Variants in ITGA5 observed in about 807,000 individuals in gnomAD.
The protein encoded by ITGA5 is integrin alpha-5.
Under a neutral mutation model 146.3 loss-of-function variants are expected in ITGA5, and 55 were observed. That is an observed-to-expected ratio of 0.38 (90% CI 0.30 to 0.47). ITGA5 has a LOEUF of 0.47. Ranked by LOEUF, ITGA5 falls within the 20% of genes least tolerant of loss-of-function variation. The probability of loss-of-function intolerance (pLI) is 0.99; values close to 1 mark genes in which losing one functional copy is unlikely to be tolerated. For synonymous variants in ITGA5, 500 were observed against 531.8 expected (o/e 0.94, Z 0.82); for missense variants, 1,131 against 1,329.0 (o/e 0.85, Z 2.32).
At chr12:54,408,296 T>TG in intron 6 of ITGA5, 61 bp from the exon 7 acceptor site, 2 of 1,584,066 alleles carry the variant, frequency 1.3e-6, no homozygotes, top group Non-Finnish European at 1.7e-6. Context: ...CTTGGGACTC[T>TG]GGGGGCTGAC....
intron 12 of ITGA5, 69 bp downstream of exon 12, chr12:54,405,097 C>T (rs1364443066): frequency 7.1e-7 from 1 of 1,401,840 alleles, no homozygotes; most frequent in South Asian, 1.4e-5. Flanking sequence ...TGACAGATGC[C>T]CTCTCCCCAA....
intron 27 of ITGA5, among the ~76,000 whole-genome samples, chr12:54,399,055 C>T (rs946464619): frequency 3.9e-4 from 59 of 152,034 alleles, no homozygotes; most frequent in African/African-American, 1.4e-3. Context: ...CCATGTTGCC[C>T]AGGCTGGTCT....
chr12:54,411,611 A>G (rs964570613), intron 2 of ITGA5, among the ~76,000 whole-genome samples: 1 of 152,180 alleles, frequency 6.6e-6, no homozygotes, highest in Non-Finnish European at 1.5e-5. Flanking sequence ...TGAGAGCCAC[A>G]TGTTTCTGAA....
chr12:54,414,363 G>C (rs1565645095), intron 1 of ITGA5, among the ~76,000 whole-genome samples: 1 of 152,308 alleles, frequency 6.6e-6, no homozygotes, highest in African/African-American at 2.4e-5. Context: ...TGGAGGGTCC[G>C]TGTGCTATTT....
In ITGA5 at chr12:54,399,944, C is replaced by T; in HGVS notation, c.2647G>A (p.Asp883Asn). The change falls in exon 26 of 30, where the codon GAT becomes AAT. Residue 883 changes from aspartate to asparagine, a missense_variant. By Grantham distance (23) the Asp-to-Asn change is conservative. Coordinates refer to ENST00000293379, the MANE Select transcript of ITGA5 (RefSeq NM_002205.5). ...HPINPKGLELDPEGSLHHQQK... is the reference protein window; with the variant it reads ...HPINPKGLELNPEGSLHHQQK... ...TGGTGGTGCAGGGAACCCTCGGGAT[C>T]CAACTATAAAAGAAAGTGTTGGGCC... 6.2e-7 allele frequency: 1 copy of T among 1,613,478 alleles called. No homozygotes were observed. The highest frequency in any genetic ancestry group is 8.5e-7 in the Non-Finnish European group (1 of 1,179,460).
In ITGA5 at chr12:54,403,247, C is replaced by T. The variant is rs1290929412; in HGVS notation, c.1854G>A (p.Val618=). Residue 618 remains valine (V), a synonymous_variant, in exon 18 of 30, where the codon GTG becomes GTA. Coordinates refer to ENST00000293379, the MANE Select transcript of ITGA5 (RefSeq NM_002205.5). The surrounding 1 kb of genome is among the most constrained non-coding windows in gnomAD (Gnocchi z 4.9). ...GGGCTGGCCTGAGGCCGTGGCTGTC[C>T]ACTGGGGCTTGGGGGTCCAAGGAGA... ...LNFSLDPQAP[V]DSHGLRPALH... 2 of 1,568,576 alleles carry T rather than the reference C, an allele frequency of 1.3e-6. No homozygotes were observed. The highest frequency in any genetic ancestry group is 2.0e-5 in the Admixed American group (1 of 50,464).
At position 54,396,320 on chromosome 12, in the gene ITGA5, G is replaced by C. The variant is rs1247805983; in HGVS notation, c.3123C>G (p.Leu1041=). The C allele has an allele frequency of 1.2e-6, 2 of 1,614,130 alleles. No individual in the cohort carries two copies. Among genetic ancestry groups the C allele is most frequent in the Non-Finnish European group, 8.5e-7 (1 of 1,179,974 alleles). ...PYGTAMEKAQ[L]KPPATSDA Reference sequence around the variant, plus strand: ...AGGCATCAGAGGTGGCTGGAGGCTTGAGCTGAGCTTTTTCCATGGCGGTGC... The same window carrying C: ...AGGCATCAGAGGTGGCTGGAGGCTTCAGCTGAGCTTTTTCCATGGCGGTGC... Residue 1041 remains leucine (L), a synonymous_variant, in exon 30 of 30, where the codon CTC becomes CTG. Coordinates refer to ENST00000293379, the MANE Select transcript of ITGA5 (RefSeq NM_002205.5).
chr12:54,402,215 C>T lies in ITGA5; in HGVS notation c.2098G>A (p.Glu700Lys), dbSNP rs749300861. ...EAELRVTAPP[E>K]AEYSGLVRHP... is the part of the protein sequence containing the mutation. ...CTGACGAGTCCTGAGTACTCAGCCT[C>T]TGGAGGGGCGGTGACCCGAAGCTCA... Residue 700 changes from glutamate (E) to lysine (K), a missense_variant, in exon 20 of 30, where the codon GAG becomes AAG. This residue lies in a region of ITGA5 where 889 missense variants were observed against 1,021.5 expected (regional missense o/e 0.87). Coordinates refer to ENST00000293379, the MANE Select transcript of ITGA5 (RefSeq NM_002205.5). 1.5e-5 allele frequency: 24 copies of T among 1,614,064 alleles called. No homozygotes were observed. In the Admixed American group the frequency reaches 3.7e-4, roughly 25 times the overall value.
intron 27 of ITGA5, among the ~76,000 whole-genome samples, chr12:54,399,248 T>A (rs972590468): frequency 9.9e-5 from 15 of 152,176 alleles, no homozygotes; most frequent in Non-Finnish European, 1.9e-4. Flanking sequence ...TCAATAAAAA[T>A]TTTTTTAAAA....
At chr12:54,400,757 C>T in intron 25 of ITGA5, 89 bp downstream of exon 25, 1 of 1,349,756 alleles carries the variant, frequency 7.4e-7, no homozygotes, top group Non-Finnish European at 1.0e-6. Flanking sequence ...CTCATTGCCT[C>T]TTGCAGGCCC....
In ITGA5 at chr12:54,402,340, A is replaced by T; in HGVS notation, c.1983-10T>A. ...CACATGGTTCTGCTCCCTGGAAGGG[A>T]CACAGAGGGTAAGGGACATTGGTGA... On this transcript the variant is annotated splice_polypyrimidine_tract_variant and intron_variant, in intron 19 of 29. Coordinates refer to ENST00000293379, the MANE Select transcript of ITGA5 (RefSeq NM_002205.5). 6.2e-7 allele frequency: 1 copy of T among 1,608,100 alleles called. No homozygotes were observed. The highest frequency in any genetic ancestry group is 8.5e-7 in the Non-Finnish European group (1 of 1,176,628).
In ITGA5 at chr12:54,401,958, G is replaced by A. The variant is rs780565464; in HGVS notation, c.2226+43C>T. On this transcript the variant is annotated intron_variant, in intron 21 of 29. Coordinates refer to ENST00000293379, the MANE Select transcript of ITGA5 (RefSeq NM_002205.5). The surrounding 1 kb of genome is among the most constrained non-coding windows in gnomAD (Gnocchi z 5.0). ...TCGGCTGGCTGGTTACCGCCCTCAG[G>A]TCTGCTCTCCCTCTGTCCCATCCTC... 1.2e-6 allele frequency: 2 copies of A among 1,606,256 alleles called. No homozygotes were observed. The highest frequency in any genetic ancestry group is 2.2e-5 in the South Asian group (2 of 90,908).
At chr12:54,417,601 T>C (rs1956023248) in intron 1 of ITGA5, among the ~76,000 whole-genome samples, 1 of 152,074 alleles carries the variant, frequency 6.6e-6, no homozygotes, top group South Asian at 2.1e-4. Context: ...TTCTCCCCAG[T>C]TGTATTAGCT....
intron 2 of ITGA5, among the ~76,000 whole-genome samples, chr12:54,410,234 C>T (rs12304871): frequency 0.031 from 4,734 of 152,182 alleles, 170 homozygotes; most frequent in South Asian, 0.088. Context: ...TGCTGTGGAG[C>T]AGGGGCAGGA....
chr12:54,407,089 GAATA>G (rs1352005508), intron 9 of ITGA5, among the ~76,000 whole-genome samples: 2 of 152,182 alleles, frequency 1.3e-5, no homozygotes, highest in Non-Finnish European at 2.9e-5. Context: ...TAGAAATCAT[GAATA>G]GATAGTGCCT....
At chr12:54,397,192 A>T (rs777495914) in intron 29 of ITGA5, 173 bp downstream of exon 29, 1 of 594,274 alleles carries the variant, frequency 1.7e-6, no homozygotes, top group Non-Finnish European at 2.9e-6. Context: ...TAGGGGCTAT[A>T]GAATGAAGGG....
At position 54,402,912 on chromosome 12, in the gene ITGA5, ATG is replaced by A. The variant is rs1313676662; in HGVS notation, c.1982+69_1982+70del. ...AACTTCCCAAGGCGACACAGCTAGT[ATG>A]TCCCTAGCTGATTTTTTCAGGTGCC... is the stretch of plus-strand genomic sequence containing the variant. On this transcript the variant is annotated intron_variant, in intron 19 of 29. Coordinates refer to ENST00000293379, the MANE Select transcript of ITGA5 (RefSeq NM_002205.5). The A allele has an allele frequency of 2.4e-6, 3 of 1,241,746 alleles. No homozygotes were observed. In the African/African-American group the frequency reaches 4.4e-5, roughly 18 times the overall value. 76.9% of individuals were successfully genotyped at this position (1,241,746 alleles called of 1,614,324 possible).
At chr12:54,417,538 T>C (rs867745512) in intron 1 of ITGA5, among the ~76,000 whole-genome samples, 22 of 152,112 alleles carry the variant, frequency 1.4e-4, no homozygotes, top group African/African-American at 4.6e-4. Context: ...CGGGGCCTAA[T>C]CATTTTTCTT....
intron 28 of ITGA5, among the ~76,000 whole-genome samples, chr12:54,397,862 A>G (rs1955731513): frequency 6.6e-6 from 1 of 152,012 alleles, no homozygotes; most frequent in South Asian, 2.1e-4. Flanking sequence ...CCTAAAATGT[A>G]CAATATTGTC....
Sources: gnomAD v4.1 joint callset for allele counts (sites outside exome capture counted in the v4.1 genomes callset) on GRCh38, gnomAD v4.1.1 for gene constraint, gnomAD v4.1.1 regional missense constraint, Gnocchi (gnomAD v3.1) non-coding constraint, MANE v1.5 for transcripts, NCBI Gene and HGNC (gene_info 2026-07-23, HGNC 2026-07-21) for gene names.